The following FGF14 variants were observed in gnomAD, a reference collection of about 807,000 sequenced individuals.
FGF14 encodes fibroblast growth factor homologous factor 4.
Under a neutral mutation model 25.5 loss-of-function variants are expected in FGF14, and 5 were observed. The observed-to-expected ratio is 0.20, with a 90% CI of 0.10 to 0.41. The LOEUF (loss-of-function observed/expected upper bound fraction) is 0.41. Among genes scored for constraint, FGF14 ranks in the 10% least tolerant of loss-of-function variants. The probability of loss-of-function intolerance (pLI) is 1.00; values close to 1 mark genes in which losing one functional copy is unlikely to be tolerated. For synonymous variants in FGF14, 138 were observed against 118.3 expected, an observed-to-expected ratio of 1.17 and a Z score of -1.08; for missense variants, 222 against 320.1, an observed-to-expected ratio of 0.69 and a Z score of 2.34.
At chr13:102,005,446 T>C (rs1323583981) in intron 1 of FGF14, among the ~76,000 whole-genome samples, 1 of 152,250 alleles carries the variant, frequency 6.6e-6, no homozygotes, top group African/African-American at 2.4e-5. Flanking sequence ...CATCTTTTTC[T>C]TTCCACAGAG....
chr13:101,973,597 G>T (rs1478943973), intron 1 of FGF14, among the ~76,000 whole-genome samples: 2 of 152,178 alleles, frequency 1.3e-5, no homozygotes, highest in Non-Finnish European at 2.9e-5. Flanking sequence ...AGAAATTAGA[G>T]TCCAATGTTT....
chr13:102,210,675 C>G (rs1429076869), intron 1 of FGF14, among the ~76,000 whole-genome samples: 1 of 152,038 alleles, frequency 6.6e-6, no homozygotes, highest in Admixed American at 6.6e-5. Context: ...CTATCCAGAA[C>G]CTTAGGACTA....
At chr13:101,788,919 G>T (rs1364383489) in intron 3 of FGF14, among the ~76,000 whole-genome samples, 863 of 23,008 alleles carry the variant, frequency 0.038, 1 homozygote, top group Non-Finnish European at 0.066. Context: ...TAGAGAGAGA[G>T]AGAGAGAGAG....
chr13:102,253,346 T>C (rs916632226), intron 1 of FGF14, among the ~76,000 whole-genome samples: 1 of 152,220 alleles, frequency 6.6e-6, no homozygotes, highest in African/African-American at 2.4e-5. Context: ...TTCCTGACTT[T>C]TTAATGATCA....
rs569228937 is a variant in FGF14 at position 102,005,060 on chromosome 13, C to T, written c.209-129764G>A. On this transcript the variant is annotated intron_variant, in intron 1 of 4. Coordinates refer to the FGF14 transcript ENST00000376131. ...TTTATGTGGAGGCATCAATTCCTTT[C>T]CAAAGAAGAGATTGCATTAGGAATG... 7.9e-5 allele frequency among the ~76,000 whole-genome samples: 12 copies of T among 152,270 alleles called. 1 individual carries two copies. In the South Asian group the frequency reaches 1.7e-3, roughly 21 times the overall value.
chr13:101,730,906 C>T (rs963758996), intron 3 of FGF14, among the ~76,000 whole-genome samples: 5 of 152,120 alleles, frequency 3.3e-5, no homozygotes, highest in Admixed American at 3.3e-4. Flanking sequence ...AAAAAGCAGC[C>T]GTCCCTCACA....
chr13:102,184,587 A>G (rs944235226), intron 1 of FGF14, among the ~76,000 whole-genome samples: 2 of 152,192 alleles, frequency 1.3e-5, no homozygotes, highest in African/African-American at 4.8e-5. Context: ...AAGAATAGAA[A>G]TGACTAGTAA....
Position 102,366,101 on chromosome 13 carries a change from C to T in FGF14, c.208+35370G>A, listed in dbSNP as rs79062991. Among the ~76,000 whole-genome samples, 1,320 of 152,164 alleles carry T rather than the reference C, an allele frequency of 8.7e-3. 16 individuals carry two copies. The highest frequency in any genetic ancestry group is 0.03 in the African/African-American group (1,256 of 41,500). On this transcript the variant is annotated intron_variant, in intron 1 of 4. Coordinates refer to the FGF14 transcript ENST00000376131. The stretch of plus-strand genomic sequence containing the variant: ...GGTTTTCATTAAGAAAATTTTATCT[C>T]ACCCAACACAAGGTTATTAAAACAG...
At chr13:102,080,101 A>G (rs2043549045) in intron 1 of FGF14, among the ~76,000 whole-genome samples, 1 of 152,110 alleles carries the variant, frequency 6.6e-6, no homozygotes, top group Non-Finnish European at 1.5e-5. Context: ...TTGACTTGGG[A>G]AGCCACTGGA....
chr13:101,910,231 CAT>C (rs1182983123), intron 1 of FGF14, among the ~76,000 whole-genome samples: 2 of 151,896 alleles, frequency 1.3e-5, no homozygotes, highest in African/African-American at 4.8e-5. Flanking sequence ...TACCCTAAAA[CAT>C]AAAGTATAAA....
intron 1 of FGF14, among the ~76,000 whole-genome samples, chr13:102,004,851 G>A (rs1166245072): frequency 6.6e-6 from 1 of 152,080 alleles, no homozygotes; most frequent in Non-Finnish European, 1.5e-5. Flanking sequence ...CCCTTTGCTT[G>A]GCACTTCTTC....
chr13:101,759,502 A>G (rs1434500970), intron 3 of FGF14, among the ~76,000 whole-genome samples: 1 of 152,178 alleles, frequency 6.6e-6, no homozygotes, highest in Non-Finnish European at 1.5e-5. Flanking sequence ...CCTGGGATTC[A>G]TACAGATTCT....
intron 3 of FGF14, among the ~76,000 whole-genome samples, chr13:101,858,966 T>C (rs1594509775): frequency 6.6e-6 from 1 of 152,270 alleles, no homozygotes; most frequent in Non-Finnish European, 1.5e-5. Flanking sequence ...AATGCAAATA[T>C]GGCCATATTA....
chr13:102,315,351 C>G (rs2055971044), intron 1 of FGF14, among the ~76,000 whole-genome samples: 1 of 152,132 alleles, frequency 6.6e-6, no homozygotes, highest in African/African-American at 2.4e-5. Flanking sequence ...CTTCAGGGGA[C>G]AGTAGAGCAG....
At chr13:101,880,510 T>C (rs2045645611) in intron 1 of FGF14, among the ~76,000 whole-genome samples, 1 of 152,188 alleles carries the variant, frequency 6.6e-6, no homozygotes, top group Admixed American at 6.5e-5. Flanking sequence ...GAGATTGTGG[T>C]GAGCTGAGCG....
chr13:102,100,395 A>T (rs1022504001), intron 1 of FGF14, among the ~76,000 whole-genome samples: 11 of 150,606 alleles, frequency 7.3e-5, no homozygotes, highest in African/African-American at 2.7e-4. Flanking sequence ...GCAATACCAG[A>T]CAAGGAGTTA....
At chr13:102,002,517 GAAGT>G in intron 1 of FGF14, 1 of 166,742 alleles carries the variant, frequency 6.0e-6, no homozygotes, top group Middle Eastern at 5.3e-4. Flanking sequence ...TGGAAAATCT[GAAGT>G]TAGTTGTGAG....
rs757841395 is a variant in FGF14, at chr13:102,378,631, C to CTATCTATCTATA, written c.208+22839_208+22840insTATAGATAGATA. On this transcript the variant is annotated intron_variant, in intron 1 of 4. Transcript: ENST00000376131. Reference sequence around the variant, plus strand: ...TCTATCTATCTATCTATCTATCTATCTATATATATATATATCTTCTCTTTT... The same window carrying CTATCTATCTATA: ...TCTATCTATCTATCTATCTATCTATCTATCTATCTATATATATATATATATATCTTCTCTTTT... Among the ~76,000 whole-genome samples the CTATCTATCTATA allele has an allele frequency of 2.9e-3, 408 of 141,880 alleles. 3 individuals are homozygous for CTATCTATCTATA. The highest frequency in any genetic ancestry group is 6.8e-3 in the East Asian group (32 of 4,706). The allele number at this position is 141,880 out of a possible 152,430, so 93.1% of individuals were successfully genotyped here.
At chr13:101,901,918 T>A (rs1342314810) in intron 1 of FGF14, among the ~76,000 whole-genome samples, 2 of 152,196 alleles carry the variant, frequency 1.3e-5, no homozygotes, top group Non-Finnish European at 2.9e-5. Flanking sequence ...TACTGAGACA[T>A]AATTAACATA....
Sources: allele counts gnomAD v4.1 joint callset (sites outside exome capture counted in the v4.1 genomes callset), GRCh38; gene constraint gnomAD v4.1.1; transcripts MANE v1.5; gene names NCBI Gene and HGNC (gene_info 2026-07-23, HGNC 2026-07-21).